The following DLG5 variants were observed in gnomAD, a reference collection of about 807,000 sequenced individuals.
DLG5 encodes discs large MAGUK scaffold protein 5.
In DLG5, 48 loss-of-function variants were observed where a neutral mutation model predicts 189.8. That is an observed-to-expected ratio of 0.25 (90% confidence interval 0.20 to 0.32). The LOEUF (loss-of-function observed/expected upper bound fraction) is 0.32. Ranked by LOEUF, DLG5 falls within the 10% of genes least tolerant of loss-of-function variation. The probability of loss-of-function intolerance (pLI) is 1.00; values close to 1 mark genes in which losing one functional copy is unlikely to be tolerated. For missense variants in DLG5, 2,160 were observed against 2,544.7 expected, an observed-to-expected ratio of 0.85 and a Z score of 3.25; for synonymous variants, 1,016 against 1,054.1, an observed-to-expected ratio of 0.96 and a Z score of 0.70.
At chr10:77,865,091 G>A (rs964922837) in intron 2 of DLG5, among the ~76,000 whole-genome samples, 1 of 152,142 alleles carries the variant, frequency 6.6e-6, no homozygotes, top group South Asian at 2.1e-4. Flanking sequence ...AGAACTAACT[G>A]CTTCTTCCCT....
At chr10:77,844,875 G>A (rs538225297) in intron 5 of DLG5, among the ~76,000 whole-genome samples, 3 of 152,304 alleles carry the variant, frequency 2.0e-5, no homozygotes, top group African/African-American at 7.2e-5. Context: ...CAGAGAGGGG[G>A]GCAGGGTCAA....
chr10:77,931,839 C>A, the DLG5 span, among the ~76,000 whole-genome samples: 2 of 152,320 alleles, frequency 1.3e-5, no homozygotes, highest in African/African-American at 4.8e-5. Flanking sequence ...TATCCTGGGG[C>A]TAGGTACTGT....
At chr10:77,863,100 T>A (rs577335988) in intron 2 of DLG5, among the ~76,000 whole-genome samples, 10 of 152,122 alleles carry the variant, frequency 6.6e-5, no homozygotes, top group African/African-American at 2.2e-4. Context: ...CAAAAAAAAA[T>A]TTCTTTTTTG....
chr10:77,914,181 A>T (rs1046610291), intron 1 of DLG5, among the ~76,000 whole-genome samples: 1 of 152,210 alleles, frequency 6.6e-6, no homozygotes, highest in African/African-American at 2.4e-5. Flanking sequence ...CTTCAGGACC[A>T]AAGAATTGTG....
chr10:77,829,117 C>G (rs751531032), intron 12 of DLG5, 132 bp from the exon 13 acceptor site: 1 of 1,075,982 alleles, frequency 9.3e-7, no homozygotes, highest in South Asian at 1.5e-5. Flanking sequence ...ACGCCTGCAC[C>G]CTGCCCCAGT....
At chr10:77,844,865 C>T (rs1169535710) in intron 5 of DLG5, among the ~76,000 whole-genome samples, 2 of 152,114 alleles carry the variant, frequency 1.3e-5, no homozygotes, top group African/African-American at 4.8e-5. Context: ...GCACACTGGG[C>T]AGAGAGGGGG....
At chr10:77,868,142 A>G (rs1317748423) in intron 2 of DLG5, 3 of 454,148 alleles carry the variant, frequency 6.6e-6, no homozygotes, top group African/African-American at 6.0e-5. Flanking sequence ...CTGTGAGACA[A>G]TCAATTTCTG....
At chr10:77,826,865 T>C (rs1233500310) in intron 13 of DLG5, among the ~76,000 whole-genome samples, 1 of 151,716 alleles carries the variant, frequency 6.6e-6, no homozygotes, top group African/African-American at 2.4e-5. Context: ...GGATAGTTAC[T>C]TGAACCTGGG....
At chr10:77,880,502 G>C (rs1228087436) in intron 1 of DLG5, among the ~76,000 whole-genome samples, 1 of 152,160 alleles carries the variant, frequency 6.6e-6, no homozygotes, top group East Asian at 1.9e-4. Context: ...ACAACTGCAT[G>C]TGGTCAGGTC....
intron 1 of DLG5, among the ~76,000 whole-genome samples, chr10:77,924,750 T>C (rs1474847611): frequency 6.6e-6 from 1 of 152,046 alleles, no homozygotes; most frequent in Non-Finnish European, 1.5e-5. Context: ...AGAATGCAGG[T>C]TTGAGGGACA....
At chr10:77,797,756 A>G (rs2154574865) in intron 27 of DLG5, among the ~76,000 whole-genome samples, 1 of 152,334 alleles carries the variant, frequency 6.6e-6, no homozygotes, top group Admixed American at 6.5e-5. Flanking sequence ...AGGGACCAGG[A>G]GGCAGAAGGC....
chr10:77,933,787 C>A, the DLG5 span, among the ~76,000 whole-genome samples: 1 of 151,952 alleles, frequency 6.6e-6, no homozygotes, highest in African/African-American at 2.4e-5. Context: ...CCCTTCCAAG[C>A]TCCCAAAAGA....
intron 30 of DLG5, among the ~76,000 whole-genome samples, chr10:77,794,569 G>C (rs886626743): frequency 1.3e-5 from 2 of 152,232 alleles, no homozygotes; most frequent in Admixed American, 6.5e-5. Flanking sequence ...GGCAGGAGAG[G>C]GGAGCTGTGC....
intron 1 of DLG5, among the ~76,000 whole-genome samples, chr10:77,879,006 A>G (rs956503612): frequency 2.6e-5 from 4 of 152,248 alleles, no homozygotes; most frequent in African/African-American, 9.6e-5. Context: ...AGGAAGCAAG[A>G]TGGACAAATC....
chr10:77,903,359 C>G (rs1289126000), intron 1 of DLG5, among the ~76,000 whole-genome samples: 1 of 151,546 alleles, frequency 6.6e-6, no homozygotes, highest in Admixed American at 6.6e-5. Context: ...ACTCGGGAGG[C>G]AGAGGTTGCA....
At chr10:77,909,099 T>A (rs1846145243) in intron 1 of DLG5, among the ~76,000 whole-genome samples, 2 of 152,142 alleles carry the variant, frequency 1.3e-5, no homozygotes, top group African/African-American at 2.4e-5. Context: ...CCGAGCCTGG[T>A]AAAGAGTAGT....
Position 77,896,826 on chromosome 10 carries a change from A to T in DLG5, c.305-27629T>A, listed in dbSNP as rs182140715. On this transcript the variant is annotated intron_variant, in intron 1 of 31. Transcript: ENST00000372391. ...AAGAGTGAAATTCCATCTCAAAAAA[A>T]AAAGCAAATATGGCAAGCTGTTAAC... 7.5e-4 allele frequency among the ~76,000 whole-genome samples: 114 copies of T among 152,098 alleles called. 1 individual carries two copies. The highest frequency in any genetic ancestry group is 2.6e-3 in the African/African-American group (109 of 41,530).
In DLG5 at chr10:77,848,312, C is replaced by T. The variant is rs2154576518; in HGVS notation, c.865-4606G>A. On this transcript the variant is annotated intron_variant, in intron 5 of 31. Transcript: ENST00000372391. ...TCCTTCCTCCAGGCCCATCAAAGGG[C>T]ATTCATTCAGGATACCTGGGACAAG... Among the ~76,000 whole-genome samples, 2 of 152,258 alleles carry T rather than the reference C, an allele frequency of 1.3e-5. 1 individual carries two copies. Among genetic ancestry groups the T allele is most frequent in the South Asian group, 4.2e-4 (2 of 4,816 alleles).
At chr10:77,886,384 C>CT (rs11408820) in intron 1 of DLG5, among the ~76,000 whole-genome samples, 105,138 of 143,894 alleles carry the variant, frequency 0.73, 38,986 homozygotes, top group African/African-American at 0.88. Context: ...AGTAATGTTG[C>CT]TTTTTTTTTT....
Sources: gnomAD v4.1 joint callset for allele counts (sites outside exome capture counted in the v4.1 genomes callset) on GRCh38, gnomAD v4.1.1 for gene constraint, MANE v1.5 for transcripts, NCBI Gene and HGNC (gene_info 2026-07-23, HGNC 2026-07-21) for gene names.